SPG7: variants seen among roughly 807,000 people sequenced by gnomAD.
The protein encoded by SPG7 is mitochondrial inner membrane m-AAA protease component paraplegin.
A neutral mutation model predicts 81.9 loss-of-function variants in SPG7; 103 were observed. The ratio of observed to expected loss-of-function variants is 1.26; its 90% CI spans 1.07 to 1.48. The LOEUF (loss-of-function observed/expected upper bound fraction) is 1.48, where lower values mean the gene tolerates loss of function less well. Ranked by LOEUF, SPG7 falls within the 40% of genes most tolerant of loss-of-function variation. SPG7 has a pLI of 0.00. For missense variants in SPG7, 1,241 were observed against 1,087.3 expected (o/e 1.14, Z -1.99); for synonymous variants, 534 against 444.2 (o/e 1.20, Z -2.54).
rs773216042 is a variant in SPG7, at chr16:89,557,090, G to A, written c.2385G>A (p.Lys795=). 2 of 1,610,920 alleles carry A rather than the reference G, an allele frequency of 1.2e-6. No individual in the cohort carries two copies. Among genetic ancestry groups the A allele is most frequent in the South Asian group, 2.2e-5 (2 of 90,990 alleles). Residue 795 remains lysine, a synonymous_variant, in exon 17 of 17, where the codon AAG becomes AAA. Transcript: ENST00000645818. The part of the protein sequence containing the change: ...PLGGEEPTWP[K] ...GAGGCGAAGAGCCGACTTGGCCCAA[G>A]TAGTTGGGAGGTGTTGGCTGCACGT...
Position 89,556,519 on chromosome 16 carries a change from C to T in SPG7, c.2182-368C>T, listed in dbSNP as rs140100224. 3.3e-4 allele frequency: 109 copies of T among 332,642 alleles called. 2 individuals carry two copies. The highest frequency in any genetic ancestry group is 7.0e-4 in the Admixed American group (15 of 21,370). 20.6% of individuals were successfully genotyped at this position (332,642 alleles called of 1,614,324 possible). On this transcript the variant is annotated intron_variant, in intron 16 of 16. Transcript: ENST00000645818. Reference sequence around the variant, plus strand: ...TGAGAGGTCCCAGCTCACACAACTTCGCCTCAGATTCCTTCTCCCAGTGCT... The same window carrying T: ...TGAGAGGTCCCAGCTCACACAACTTTGCCTCAGATTCCTTCTCCCAGTGCT...
At position 89,548,014 on chromosome 16, in the gene SPG7, G is replaced by A. The variant is rs540602203; in HGVS notation, c.1564G>A (p.Ala522Thr). 16 of 1,612,628 alleles carry A rather than the reference G, an allele frequency of 9.9e-6. No individual in the cohort carries two copies. The highest frequency in any genetic ancestry group is 5.5e-5 in the South Asian group (5 of 91,090). Residue 522 changes from alanine to threonine, a missense_variant, in exon 12 of 17, where the codon GCC (alanine) becomes ACC (threonine). Transcript: ENST00000645818. ...GTTTGTGTTGACAGGGGCTGACATCGCCAACATCTGCAATGAGGCTGCGCT... is the reference window on the plus strand; with the variant it reads ...GTTTGTGTTGACAGGGGCTGACATCACCAACATCTGCAATGAGGCTGCGCT... ...LTPGFSGADI[A>T]NICNEAALHA...
chr16:89,516,830 A>C (rs1031784497), intron 3 of SPG7: 1 of 151,670 alleles, frequency 6.6e-6, no homozygotes, highest in African/African-American at 2.4e-5. Flanking sequence ...GCGCCACTGC[A>C]CTCCAGCCTG....
At chr16:89,543,941 C>T (rs1412872469) in intron 9 of SPG7, 1 of 154,346 alleles carries the variant, frequency 6.5e-6, no homozygotes, top group Non-Finnish European at 1.4e-5. Context: ...GCCACTGCAC[C>T]TGGTGGACTG....
intron 9 of SPG7, 111 bp from the exon 10 acceptor site, chr16:89,544,537 G>A: frequency 7.8e-7 from 1 of 1,279,964 alleles, no homozygotes; most frequent in South Asian, 1.2e-5. Context: ...CTTTCTCTCT[G>A]GGCCTTAGGG....
In SPG7 at chr16:89,553,858, G is replaced by T; in HGVS notation, c.2001G>T (p.Met667Ile). The stretch of plus-strand genomic sequence containing the variant: ...ACTCCATGGTGAAGCAGTTTGGGAT[G>T]GCACCTGGCATCGGGCCCATCTCCT... ...IAYSMVKQFG[M>I]APGIGPISFP... is the part of the protein sequence containing the mutation. The change falls in exon 15 of 17, where the codon ATG becomes ATT. Residue 667 changes from methionine to isoleucine, a missense_variant. Physicochemically the swap from Met to Ile is conservative, Grantham distance 10. Transcript: ENST00000645818. 6.2e-7 allele frequency: 1 copy of T among 1,613,530 alleles called. No homozygotes were observed. The highest frequency in any genetic ancestry group is 2.2e-5 in the East Asian group (1 of 44,888).
At chr16:89,516,280 G>A (rs1464824125) in intron 3 of SPG7, among the ~76,000 whole-genome samples, 1 of 151,790 alleles carries the variant, frequency 6.6e-6, no homozygotes, top group African/African-American at 2.4e-5. Flanking sequence ...GAGCCACCAC[G>A]CCCGGCCGTT....
intron 16 of SPG7, chr16:89,556,447 G>GT (rs1410231022): frequency 7.4e-5 from 23 of 309,878 alleles, no homozygotes; most frequent in Non-Finnish European, 1.3e-4. Context: ...TGTCTCAAGT[G>GT]TTTTCCAGGA....
intron 4 of SPG7, among the ~76,000 whole-genome samples, chr16:89,524,919 C>G (rs1422840617): frequency 6.6e-6 from 1 of 151,312 alleles, no homozygotes; most frequent in Non-Finnish European, 1.5e-5. Flanking sequence ...TGCTGGGTTA[C>G]TCAGGATTCA....
intron 5 of SPG7, chr16:89,528,593 C>G (rs949378299): frequency 6.7e-6 from 1 of 148,310 alleles, no homozygotes; most frequent in Non-Finnish European, 1.5e-5. Flanking sequence ...GGCAAAAGTC[C>G]TGGGATTTGC....
At chr16:89,544,934 C>T in intron 10 of SPG7, 162 bp downstream of exon 10, 4 of 817,186 alleles carry the variant, frequency 4.9e-6, no homozygotes, top group Non-Finnish European at 8.0e-6. Context: ...TGCACGCCCC[C>T]AGCAGACCTG....
intron 6 of SPG7, 138 bp from the exon 7 acceptor site, chr16:89,530,545 C>G (rs1302892802): frequency 8.6e-6 from 8 of 931,258 alleles, no homozygotes; most frequent in Non-Finnish European, 1.4e-5. Flanking sequence ...CCTCGTCAGC[C>G]TGACATGAGT....
intron 11 of SPG7, chr16:89,547,050 T>C (rs368721242): frequency 4.4e-5 from 18 of 404,842 alleles, no homozygotes; most frequent in Middle Eastern, 7.9e-4. Flanking sequence ...TGACCAGTCA[T>C]GCCGGCGTTT....
intron 6 of SPG7, 167 bp from the exon 7 acceptor site, chr16:89,530,516 C>A: frequency 1.3e-6 from 1 of 783,042 alleles, no homozygotes; most frequent in Non-Finnish European, 2.3e-6. Context: ...CCCTTCTGTG[C>A]TTGAAGACTG....
intron 9 of SPG7, among the ~76,000 whole-genome samples, chr16:89,536,189 G>A (rs1391270144): frequency 8.1e-6 from 1 of 123,490 alleles, no homozygotes; most frequent in African/African-American, 2.9e-5. Flanking sequence ...GGCCTTCAGT[G>A]TGGCCTCTCT....
chr16:89,531,013 C>G, intron 7 of SPG7: 1 of 688,786 alleles, frequency 1.5e-6, no homozygotes. Context: ...TTCAGCCAAG[C>G]AGAGGCTGCC....
chr16:89,549,234 C>T (rs1052631503), intron 12 of SPG7: 2 of 456,844 alleles, frequency 4.4e-6, no homozygotes, highest in African/African-American at 4.0e-5. Context: ...AAAGAAAATA[C>T]ATGACGTACT....
chr16:89,547,971 C>T, intron 11 of SPG7, 32 bp from the exon 12 acceptor site: 1 of 1,551,586 alleles, frequency 6.4e-7, no homozygotes, highest in Non-Finnish European at 8.9e-7. Context: ...CAGAAACCCA[C>T]CCACCCACAC....
At chr16:89,519,367 G>C (rs2058152595) in intron 3 of SPG7, 1 of 151,902 alleles carries the variant, frequency 6.6e-6, no homozygotes, top group African/African-American at 2.4e-5. Context: ...TAGAAAAAAA[G>C]CAGTTGCTAA....
Sources: gnomAD v4.1 joint callset for allele counts (sites outside exome capture counted in the v4.1 genomes callset) on GRCh38, gnomAD v4.1.1 for gene constraint, MANE v1.5 for transcripts, NCBI Gene and HGNC (gene_info 2026-07-23, HGNC 2026-07-21) for gene names.